Variants in PRORP observed in about 807,000 individuals in gnomAD.
The protein encoded by PRORP is protein only RNase P catalytic subunit, also known as mitochondrial ribonuclease P catalytic subunit.
Under a neutral mutation model 59.4 loss-of-function variants are expected in PRORP, and 51 were observed. The ratio of observed to expected loss-of-function variants is 0.86; its 90% CI spans 0.69 to 1.08. The LOEUF is 1.08. PRORP is among the 50% of genes least tolerant of loss of function. The probability of loss-of-function intolerance (pLI) is 0.00; values close to 1 mark genes in which losing one functional copy is unlikely to be tolerated. For missense variants in PRORP, 646 were observed against 690.3 expected (o/e 0.94, Z 0.72); for synonymous variants, 231 against 245.6 (o/e 0.94, Z 0.55).
intron 4 of PRORP, among the ~76,000 whole-genome samples, chr14:35,149,979 G>T (rs568586904): frequency 6.6e-6 from 1 of 152,092 alleles, no homozygotes; most frequent in South Asian, 2.1e-4. Context: ...TCAGCCTCCC[G>T]AGTAGCTGGG....
intron 4 of PRORP, among the ~76,000 whole-genome samples, chr14:35,155,875 A>G (rs1202788566): frequency 6.6e-6 from 1 of 152,164 alleles, no homozygotes; most frequent in Non-Finnish European, 1.5e-5. Flanking sequence ...TTCTTTTTCC[A>G]TTTTTGAAAC....
intron 5 of PRORP, among the ~76,000 whole-genome samples, chr14:35,248,785 G>A (rs767204406): frequency 6.6e-6 from 1 of 152,154 alleles, no homozygotes; most frequent in Non-Finnish European, 1.5e-5. Context: ...TCTGGGACAG[G>A]GATTCTCGTC....
At chr14:35,162,231 GAT>G (rs757062075) in intron 4 of PRORP, among the ~76,000 whole-genome samples, 50 of 152,130 alleles carry the variant, frequency 3.3e-4, no homozygotes, top group Admixed American at 1.2e-3. Flanking sequence ...ATAGATATAA[GAT>G]AGATTCCCAC....
At chr14:35,152,465 G>A (rs1355658178) in intron 4 of PRORP, among the ~76,000 whole-genome samples, 2 of 152,232 alleles carry the variant, frequency 1.3e-5, no homozygotes, top group East Asian at 3.9e-4. Flanking sequence ...CAGACGGGAT[G>A]GTGGCCGGGC....
chr14:35,243,330 G>C (rs2050408804), intron 5 of PRORP, among the ~76,000 whole-genome samples: 1 of 152,064 alleles, frequency 6.6e-6, no homozygotes, highest in Admixed American at 6.5e-5. Context: ...CCAGGAGTTT[G>C]ACACCAGCCT....
At chr14:35,236,096 C>CAAAA (rs59458917) in intron 5 of PRORP, among the ~76,000 whole-genome samples, 5 of 62,406 alleles carry the variant, frequency 8.0e-5, no homozygotes, top group Admixed American at 1.9e-4. Flanking sequence ...ACCCCATCTC[C>CAAAA]AAAAAAAAAA....
In PRORP at chr14:35,274,376, C is replaced by G. The variant is rs190463395; in HGVS notation, c.*810C>G. 1 of 150,856 alleles carries G rather than the reference C, an allele frequency of 6.6e-6. No homozygotes were observed. The highest frequency in any genetic ancestry group is 2.4e-5 in the African/African-American group (1 of 40,914). The allele number at this position is 150,856 out of a possible 1,614,324, so 9.3% of individuals were successfully genotyped here. A position where few individuals can be genotyped will look rare whatever the true frequency, so the allele number is the denominator to read the frequency against. On this transcript the variant is annotated 3_prime_UTR_variant, in exon 8 of 8. Coordinates refer to ENST00000534898, the MANE Select transcript of PRORP (RefSeq NM_014672.4). ...CTCTGTTGACAAGACTAGTCTCCAA[C>G]CCCTGGCCTCAGTCGATCCCCAGCA...
intron 4 of PRORP, among the ~76,000 whole-genome samples, chr14:35,174,384 T>C (rs1369325935): frequency 6.6e-6 from 1 of 152,160 alleles, no homozygotes; most frequent in Non-Finnish European, 1.5e-5. Flanking sequence ...TTTTTCTCCA[T>C]AGCATTCTCA....
At chr14:35,238,418 A>G (rs2050276096) in intron 5 of PRORP, among the ~76,000 whole-genome samples, 2 of 152,192 alleles carry the variant, frequency 1.3e-5, no homozygotes, top group Non-Finnish European at 2.9e-5. Context: ...ATGAGTATGT[A>G]TAGGAAAATG....
intron 5 of PRORP, among the ~76,000 whole-genome samples, chr14:35,227,312 C>T (rs1478010967): frequency 6.6e-6 from 1 of 151,636 alleles, no homozygotes; most frequent in Non-Finnish European, 1.5e-5. Flanking sequence ...GGCGTGGTGG[C>T]AGGCGCCTGT....
intron 5 of PRORP, among the ~76,000 whole-genome samples, chr14:35,190,157 G>A (rs2048847328): frequency 6.6e-6 from 1 of 151,524 alleles, no homozygotes; most frequent in East Asian, 2.0e-4. Context: ...CCAGCACTTT[G>A]GGAGGCCGAG....
intron 5 of PRORP, among the ~76,000 whole-genome samples, chr14:35,228,038 G>C (rs1353549481): frequency 2.0e-5 from 3 of 152,182 alleles, no homozygotes; most frequent in African/African-American, 7.2e-5. Flanking sequence ...AGCTACTTGG[G>C]AGGCTGAGGC....
chr14:35,167,719 T>C (rs1327740958), intron 4 of PRORP, among the ~76,000 whole-genome samples: 1 of 152,210 alleles, frequency 6.6e-6, no homozygotes, highest in Non-Finnish European at 1.5e-5. Flanking sequence ...AGAGCACTGC[T>C]TCCAACCAAA....
At chr14:35,215,751 G>A (rs1469430092) in intron 5 of PRORP, among the ~76,000 whole-genome samples, 1 of 151,838 alleles carries the variant, frequency 6.6e-6, no homozygotes, top group Non-Finnish European at 1.5e-5. Context: ...AGGTGACAGA[G>A]TAAGACTCTA....
At chr14:35,179,382 A>T (rs2048539733) in intron 4 of PRORP, among the ~76,000 whole-genome samples, 1 of 152,174 alleles carries the variant, frequency 6.6e-6, no homozygotes, top group African/African-American at 2.4e-5. Context: ...CACCAATCAG[A>T]CATAGATTTG....
intron 5 of PRORP, among the ~76,000 whole-genome samples, chr14:35,207,452 C>G (rs557420592): frequency 6.6e-6 from 1 of 152,308 alleles, no homozygotes; most frequent in African/African-American, 2.4e-5. Flanking sequence ...ACAAAGCATA[C>G]AACATTTTTA....
intron 4 of PRORP, among the ~76,000 whole-genome samples, chr14:35,177,499 C>T (rs2048483967): frequency 1.3e-5 from 2 of 152,220 alleles, no homozygotes; most frequent in Admixed American, 6.5e-5. Context: ...GGAATTTATC[C>T]ATTTCTTCTA....
rs148951844 is a variant in PRORP at position 35,184,094 on chromosome 14, C to T, written c.1275+3317C>T. 4.4e-4 allele frequency among the ~76,000 whole-genome samples: 67 copies of T among 151,956 alleles called. No homozygotes were observed. The East Asian group carries it at 0.013, about 29-fold the overall frequency. ...TAAACTCTCTGCATTATACATTACA[C>T]ATTTTTCTCGGTCCTTTTACATTAA... On this transcript the variant is annotated intron_variant, in intron 5 of 7. Transcript: ENST00000534898.
chr14:35,270,465 A>T lies in PRORP; in HGVS notation c.1489A>T (p.Thr497Ser). The T allele has an allele frequency of 6.2e-7, 1 of 1,614,118 alleles. No individual in the cohort carries two copies. Among genetic ancestry groups the T allele is most frequent in the Non-Finnish European group, 8.5e-7 (1 of 1,180,004 alleles). ...CTCCGGGAATCACTGCAGGTTTATC[A>T]CAAGAGACCTGATGCGGGACCACAA... is the stretch of plus-strand genomic sequence containing the variant. ...LHSGNHCRFI[T>S]RDLMRDHKAC... Residue 497 changes from threonine (T) to serine (S), a missense_variant, in exon 7 of 8, where the codon ACA (threonine) becomes TCA (serine). Transcript: ENST00000534898.
Sources: allele counts gnomAD v4.1 joint callset (sites outside exome capture counted in the v4.1 genomes callset), GRCh38; gene constraint gnomAD v4.1.1; transcripts MANE v1.5; gene names NCBI Gene and HGNC (gene_info 2026-07-23, HGNC 2026-07-21).